Variants in UTP20 observed in about 807,000 individuals in gnomAD.
The protein encoded by UTP20 is small subunit processome component 20 homolog.
A neutral mutation model predicts 329.5 loss-of-function variants in UTP20; 164 were observed. The observed-to-expected ratio is 0.50, with a 90% CI of 0.44 to 0.57. UTP20 has a LOEUF of 0.57. Ranked by LOEUF, UTP20 falls within the 20% of genes least tolerant of loss-of-function variation. The pLI is 0.00. For synonymous variants in UTP20, 1,151 were observed against 1,159.3 expected, an observed-to-expected ratio of 0.99 and a Z score of 0.14; for missense variants, 3,055 against 3,284.2, an observed-to-expected ratio of 0.93 and a Z score of 1.71.
rs1210986601 is a variant in UTP20, at chr12:101,331,688, CA to C, written c.3418-1612del. Among the ~76,000 whole-genome samples the C allele has an allele frequency of 1.4e-4, 22 of 152,254 alleles. No homozygotes were observed. In the East Asian group the frequency reaches 4.0e-3, roughly 28 times the overall value. ...AAGTAATTTTCCTATTAGTTTTCTT[CA>C]TGTTATCTTGGCCATAAGACTTGAT... is the stretch of plus-strand genomic sequence containing the variant. On this transcript the variant is annotated intron_variant, in intron 27 of 61. Transcript: ENST00000261637.
intron 11 of UTP20, 57 bp from the exon 12 acceptor site, chr12:101,295,423 G>A (rs1321377876): frequency 1.0e-5 from 15 of 1,439,164 alleles, no homozygotes; most frequent in Admixed American, 5.1e-5. Flanking sequence ...TGAATTGTTA[G>A]CATCTTCTCT....
At chr12:101,345,286 G>GT (rs1178251149) in intron 36 of UTP20, among the ~76,000 whole-genome samples, 1 of 151,382 alleles carries the variant, frequency 6.6e-6, no homozygotes, top group Non-Finnish European at 1.5e-5. Flanking sequence ...GGTTTTTTTT[G>GT]TTTTTTGTTT....
intron 25 of UTP20, among the ~76,000 whole-genome samples, chr12:101,323,257 G>GT (rs1868438973): frequency 6.6e-6 from 1 of 151,806 alleles, no homozygotes; most frequent in African/African-American, 2.4e-5. Flanking sequence ...TGTTTATTTT[G>GT]GTTTTTTTGC....
intron 27 of UTP20, among the ~76,000 whole-genome samples, chr12:101,332,138 G>A (rs956587912): frequency 1.3e-5 from 2 of 152,124 alleles, no homozygotes; most frequent in African/African-American, 4.8e-5. Context: ...GGGAGTTCGA[G>A]ACCAGCCTGA....
chr12:101,344,405 C>A (rs191940495), intron 35 of UTP20, among the ~76,000 whole-genome samples, 190 bp from the exon 36 acceptor site: 1 of 152,212 alleles, frequency 6.6e-6, no homozygotes, highest in Admixed American at 6.5e-5. Context: ...GTTTTTCAGC[C>A]TTTTACAGTA....
At chr12:101,325,293 C>T (rs1868516062) in intron 25 of UTP20, among the ~76,000 whole-genome samples, 1 of 152,236 alleles carries the variant, frequency 6.6e-6, no homozygotes, top group Non-Finnish European at 1.5e-5. Context: ...TGCCAGCTGA[C>T]ATCTCATTCA....
intron 18 of UTP20, 134 bp downstream of exon 18, chr12:101,308,477 G>A (rs1287449455): frequency 2.0e-6 from 1 of 509,794 alleles, no homozygotes; most frequent in Non-Finnish European, 2.6e-6. Flanking sequence ...GAAATCCCCA[G>A]TTCTCTTAGA....
intron 38 of UTP20, among the ~76,000 whole-genome samples, chr12:101,350,240 C>T (rs1018386530): frequency 6.6e-6 from 1 of 152,106 alleles, no homozygotes; most frequent in African/African-American, 2.4e-5. Flanking sequence ...GATCATAGCT[C>T]ACTGCAGCTT....
chr12:101,284,491 T>C (rs901144426), intron 2 of UTP20, among the ~76,000 whole-genome samples: 1 of 152,214 alleles, frequency 6.6e-6, no homozygotes, highest in African/African-American at 2.4e-5. Flanking sequence ...CAATCTACTG[T>C]TGATGGACAC....
intron 2 of UTP20, among the ~76,000 whole-genome samples, chr12:101,282,984 A>G (rs1359857472): frequency 6.6e-6 from 1 of 152,214 alleles, no homozygotes. Flanking sequence ...ATATATTTAT[A>G]GGTAAAGGAG....
chr12:101,369,533 C>A (rs551754995), intron 48 of UTP20, among the ~76,000 whole-genome samples, 188 bp from the exon 49 acceptor site: 2 of 152,212 alleles, frequency 1.3e-5, no homozygotes, highest in Non-Finnish European at 2.9e-5. Flanking sequence ...GCAATAAATT[C>A]TTCTACAACC....
rs532812680 is a variant in UTP20, at chr12:101,308,877, T to G, written c.2154+534T>G. On this transcript the variant is annotated intron_variant, in intron 18 of 61. Transcript: ENST00000261637. The stretch of plus-strand genomic sequence containing the variant: ...CCTCCCGAGTTGCTGGAACTACAGG[T>G]GCATGCCACCACACCTGGCTAATTT... Among the ~76,000 whole-genome samples, 5 of 152,122 alleles carry G rather than the reference T, an allele frequency of 3.3e-5. No individual in the cohort carries two copies. In the South Asian group the frequency reaches 1.0e-3, roughly 32 times the overall value.
intron 39 of UTP20, among the ~76,000 whole-genome samples, 196 bp from the exon 40 acceptor site, chr12:101,352,851 A>C (rs1869581081): frequency 6.6e-6 from 1 of 152,068 alleles, no homozygotes; most frequent in Non-Finnish European, 1.5e-5. Context: ...TTTAAAAAAT[A>C]TTTTGTGAAT....
At chr12:101,384,747 T>C (rs1024224360) in intron 60 of UTP20, among the ~76,000 whole-genome samples, 4 of 152,036 alleles carry the variant, frequency 2.6e-5, no homozygotes, top group Non-Finnish European at 2.9e-5. Flanking sequence ...ATAAAACAAA[T>C]GAAGCAAATG....
Position 101,379,372 on chromosome 12 carries a change from T to A in UTP20, c.7398T>A (p.Ser2466Arg), listed in dbSNP as rs377707855. Residue 2466 changes from serine to arginine, a missense_variant and splice_region_variant, in exon 57 of 62, where the codon AGT becomes AGA. Physicochemically the swap from Ser to Arg is moderately radical, Grantham distance 110. This residue lies in a region of UTP20 where 273 missense variants were observed against 363.1 expected (regional missense o/e 0.75). Coordinates refer to ENST00000261637, the MANE Select transcript of UTP20 (RefSeq NM_014503.3). ...KPAETLSKIW[S>R]HVHSHLRHPH... ...ACAAATGCTTTTTGGTTCCCTTAGG[T>A]CATGTGCATTCTCACCTGAGACATC... 20 of 1,603,060 alleles carry A rather than the reference T, an allele frequency of 1.2e-5. No homozygotes were observed. The African/African-American group carries it at 2.7e-4, about 22-fold the overall frequency.
Position 101,386,027 on chromosome 12 carries a change from T to C in UTP20, c.8262T>C (p.Ser2754=). The C allele has an allele frequency of 6.2e-7, 1 of 1,610,150 alleles. No homozygotes were observed. Among genetic ancestry groups the C allele is most frequent in the Non-Finnish European group, 8.5e-7 (1 of 1,179,164 alleles). ...KKKMKKHKNK[S]EAKKRKIEFL... ...AAATGAAGAAACACAAAAATAAAAG[T>C]GAAGCAAAGAAGAGAAAGATAGAGT... is the stretch of plus-strand genomic sequence containing the variant. Residue 2754 remains serine, a synonymous_variant, in exon 62 of 62, where the codon AGT becomes AGC. Coordinates refer to ENST00000261637, the MANE Select transcript of UTP20 (RefSeq NM_014503.3).
chr12:101,290,194 GAA>G lies in UTP20; in HGVS notation c.659_660del (p.Lys220SerfsTer2). On this transcript the variant is annotated frameshift_variant, in exon 7 of 62. Transcript: ENST00000261637. LOFTEE classifies it high-confidence loss of function. Reference sequence around the variant, plus strand: ...GTTTCTTGATCTTGATAAACATCCAGAAAAAGTTGAAGGTGTTGGACAGTTGC... The same window carrying G: ...GTTTCTTGATCTTGATAAACATCCAGAAAGTTGAAGGTGTTGGACAGTTGC... The part of the protein sequence containing the change: ...LMFLDLDKHP[E>X]KVEGVGQLLF... 1 of 1,608,714 alleles carries G rather than the reference GAA, an allele frequency of 6.2e-7. No homozygotes were observed. Among genetic ancestry groups the G allele is most frequent in the Non-Finnish European group, 8.5e-7 (1 of 1,177,374 alleles).
intron 8 of UTP20, 49 bp from the exon 9 acceptor site, chr12:101,291,692 CA>C (rs1377138374): frequency 6.7e-7 from 1 of 1,492,084 alleles, no homozygotes; most frequent in Non-Finnish European, 8.9e-7. Context: ...GTTGGATTAA[CA>C]GTTGAGTTTG....
At position 101,353,083 on chromosome 12, in the gene UTP20, C is replaced by A. The variant is rs750032755; in HGVS notation, c.5061C>A (p.Asp1687Glu). 4 of 1,596,580 alleles carry A rather than the reference C, an allele frequency of 2.5e-6. No individual in the cohort carries two copies. The highest frequency in any genetic ancestry group is 3.4e-6 in the Non-Finnish European group (4 of 1,168,756). The change falls in exon 40 of 62, where the codon GAC (aspartate) becomes GAA (glutamate). Residue 1687 changes from aspartate (D) to glutamate (E), a missense_variant. By Grantham distance (45) the Asp-to-Glu change is conservative (BLOSUM62 2). This residue lies in a region of UTP20 where 2,445 missense variants were observed against 2,575.5 expected (regional missense o/e 0.95). Coordinates refer to ENST00000261637, the MANE Select transcript of UTP20 (RefSeq NM_014503.3). ...TAGTGTTAGAAGCATTCCACTTTGA[C>A]CACAAAACTCTTGAAGAACAAATGG... ...LVIVLEAFHF[D>E]HKTLEEQMGK...
Sources: gnomAD v4.1 joint callset for allele counts (sites outside exome capture counted in the v4.1 genomes callset) on GRCh38, gnomAD v4.1.1 for gene constraint, gnomAD v4.1.1 regional missense constraint, MANE v1.5 for transcripts, NCBI Gene and HGNC (gene_info 2026-07-23, HGNC 2026-07-21) for gene names.